Variants in NEURL4 observed in about 807,000 individuals in gnomAD.
The protein encoded by NEURL4 is neuralized E3 ubiquitin protein ligase 4, also known as neuralized-like protein 4.
Under a neutral mutation model 148.0 loss-of-function variants are expected in NEURL4, and 45 were observed. That is an observed-to-expected ratio of 0.30 (90% CI 0.24 to 0.39). The LOEUF (loss-of-function observed/expected upper bound fraction) is 0.39, where lower values mean the gene tolerates loss of function less well. Among genes scored for constraint, NEURL4 ranks in the 10% least tolerant of loss-of-function variants. The pLI is 1.00. For synonymous variants in NEURL4, 854 were observed against 869.0 expected (o/e 0.98, Z 0.30); for missense variants, 1,776 against 2,144.0 (o/e 0.83, Z 3.39).
Position 7,323,996 on chromosome 17 carries a change from A to C in NEURL4, c.2079T>G (p.Pro693=). 4 of 1,610,164 alleles carry C rather than the reference A, an allele frequency of 2.5e-6. No individual in the cohort carries two copies. The highest frequency in any genetic ancestry group is 2.5e-6 in the Non-Finnish European group (3 of 1,180,014). The change falls in exon 12 of 29, where the codon CCT becomes CCG. Residue 693 remains proline (P), a synonymous_variant. Transcript: ENST00000399464. Reference sequence around the variant, plus strand: ...GGTTGTTCCCCTCAGGGAGTGGTTCAGGAACTGGAGCCACCTCTGTAAAAG... The same window carrying C: ...GGTTGTTCCCCTCAGGGAGTGGTTCCGGAACTGGAGCCACCTCTGTAAAAG... ...IVDDVEVAPV[P]EPLPEGNNQV... is the part of the protein sequence containing the mutation.
Position 7,322,881 on chromosome 17 carries a change from G to A in NEURL4, c.2594-15C>T. The A allele has an allele frequency of 6.2e-7, 1 of 1,611,688 alleles. No homozygotes were observed. Among genetic ancestry groups the A allele is most frequent in the Non-Finnish European group, 8.5e-7 (1 of 1,177,962 alleles). On this transcript the variant is annotated splice_polypyrimidine_tract_variant and intron_variant, in intron 15 of 28. Transcript: ENST00000399464. This position sits in a 1 kb window ranked among gnomAD's most constrained non-coding sequence, Gnocchi z 5.5. ...CGCATACACCTCTGGGGAGGAGAGG[G>A]AAGGTCAGAAGCCTGACAGCCAGGT...
chr17:7,322,633 C>A lies in NEURL4; in HGVS notation c.2725+102G>T. On this transcript the variant is annotated intron_variant, in intron 16 of 28. Coordinates refer to ENST00000399464, the MANE Select transcript of NEURL4 (RefSeq NM_032442.3). This position sits in a 1 kb window ranked among gnomAD's most constrained non-coding sequence, Gnocchi z 5.5. The stretch of plus-strand genomic sequence containing the variant: ...CCCTTCCCTGGAGCCGGCAGCTACC[C>A]CAGCCAACCGTCTTTGCAGAACCTC... The A allele has an allele frequency of 6.8e-7, 1 of 1,471,146 alleles. No homozygotes were observed. The highest frequency in any genetic ancestry group is 9.2e-7 in the Non-Finnish European group (1 of 1,085,546). The allele number at this position is 1,471,146 out of a possible 1,614,324, so 91.1% of individuals were successfully genotyped here. A position where few individuals can be genotyped will look rare whatever the true frequency, so the allele number is the denominator to read the frequency against.
rs1432118700 is a variant in NEURL4 at position 7,318,724 on chromosome 17, G to A, written c.3685-50C>T. ...CCAGAGGTCAGACTCCACCGCGGCA[G>A]CTGTCCCGCCCTTTGCTCTGCTTCC... On this transcript the variant is annotated intron_variant, in intron 22 of 28. Transcript: ENST00000399464. This position sits in a 1 kb window ranked among gnomAD's most constrained non-coding sequence, Gnocchi z 4.3. 2.6e-6 allele frequency: 4 copies of A among 1,547,442 alleles called. No homozygotes were observed. The highest frequency in any genetic ancestry group is 3.8e-5 in the Admixed American group (2 of 52,982).
chr17:7,327,547 G>T lies in NEURL4; in HGVS notation c.620C>A (p.Pro207His). The stretch of plus-strand genomic sequence containing the variant: ...AGTAGGGGGGCTGAAGCCTGGCTCA[G>T]GGGGTAGCACGGTGATCTGGGTGCA... ...GKCTQITVLPPEPGFSPPTPI... is the reference protein window; with the variant it reads ...GKCTQITVLPHEPGFSPPTPI... The change falls in exon 2 of 29, where the codon CCT becomes CAT. Residue 207 changes from proline to histidine, a missense_variant. Transcript: ENST00000399464. This position sits in a 1 kb window ranked among gnomAD's most constrained non-coding sequence, Gnocchi z 6.6. The T allele has an allele frequency of 6.2e-7, 1 of 1,609,824 alleles. No individual in the cohort carries two copies.
chr17:7,317,090 C>G, intron 28 of NEURL4, 115 bp downstream of exon 28: 1 of 658,354 alleles, frequency 1.5e-6, no homozygotes, highest in Non-Finnish European at 2.4e-6. Flanking sequence ...AGACTGGCAG[C>G]TAGCAAGACG....
intron 28 of NEURL4, among the ~76,000 whole-genome samples, chr17:7,316,933 A>AAAAT (rs911242033): frequency 2.0e-5 from 3 of 152,160 alleles, no homozygotes; most frequent in African/African-American, 7.2e-5. Flanking sequence ...AATAAAAATA[A>AAAAT]AAATAAATAA....
intron 21 of NEURL4, among the ~76,000 whole-genome samples, chr17:7,319,642 G>T (rs1397567219): frequency 6.7e-6 from 1 of 148,934 alleles, no homozygotes; most frequent in Admixed American, 6.8e-5. Context: ...GGAGGTTGCG[G>T]TGAGCCGAGA....
intron 8 of NEURL4, 65 bp downstream of exon 8, chr17:7,325,144 T>TGGGG: frequency 7.9e-5 from 76 of 956,358 alleles, no homozygotes; most frequent in Non-Finnish European, 1.1e-4. Context: ...TCCACTTCCT[T>TGGGG]GCCCCGCCCC....
rs997327983 is a variant in NEURL4, at chr17:7,319,423, C to T, written c.3526-215G>A. 4.9e-5 allele frequency among the ~76,000 whole-genome samples: 7 copies of T among 141,626 alleles called. 1 individual carries two copies. The highest frequency in any genetic ancestry group is 2.2e-4 in the Admixed American group (3 of 13,678). 92.9% of individuals were successfully genotyped at this position (141,626 alleles called of 152,430 possible). ...TTTTTTAAAAAAAAGAACCGCCAGC[C>T]GGGCATGGTGACCCACACTGTAATC... On this transcript the variant is annotated intron_variant, in intron 21 of 28. Coordinates refer to ENST00000399464, the MANE Select transcript of NEURL4 (RefSeq NM_032442.3).
chr17:7,321,649 T>C lies in NEURL4; in HGVS notation c.3010A>G (p.Lys1004Glu), dbSNP rs1340668473. ...LPPSLPELRTKTTWMVSSCEV... is the reference protein window; with the variant it reads ...LPPSLPELRTETTWMVSSCEV... ...CAGCTGGATACCATCCAAGTGGTCTTCGTCCGGAGCTCTGGCAGGGAAGGA... is the reference window on the plus strand; with the variant it reads ...CAGCTGGATACCATCCAAGTGGTCTCCGTCCGGAGCTCTGGCAGGGAAGGA... Residue 1004 changes from lysine (K) to glutamate (E), a missense_variant, in exon 18 of 29, where the codon AAG becomes GAG. By Grantham distance (56) the Lys-to-Glu change is moderately conservative (BLOSUM62 1). Transcript: ENST00000399464. This position sits in a 1 kb window ranked among gnomAD's most constrained non-coding sequence, Gnocchi z 6.3. 1.2e-6 allele frequency: 2 copies of C among 1,614,014 alleles called. No individual in the cohort carries two copies. Among genetic ancestry groups the C allele is most frequent in the African/African-American group, 2.7e-5 (2 of 75,048 alleles).
chr17:7,322,145 G>A lies in NEURL4; in HGVS notation c.2726-135C>T. The A allele has an allele frequency of 1.0e-6, 1 of 967,706 alleles. No homozygotes were observed. The highest frequency in any genetic ancestry group is 2.5e-5 in the East Asian group (1 of 40,448). 59.9% of individuals were successfully genotyped at this position (967,706 alleles called of 1,614,324 possible). Reference sequence around the variant, plus strand: ...CTGCCATCTGCCATTACACCTCAGGGCCTCCTGACACCTCTTTATTGTATT... The same window carrying A: ...CTGCCATCTGCCATTACACCTCAGGACCTCCTGACACCTCTTTATTGTATT... On this transcript the variant is annotated intron_variant, in intron 16 of 28. Coordinates refer to ENST00000399464, the MANE Select transcript of NEURL4 (RefSeq NM_032442.3). The surrounding 1 kb of genome is among the most constrained non-coding windows in gnomAD (Gnocchi z 5.5).
Position 7,321,154 on chromosome 17 carries a change from A to G in NEURL4, c.3318T>C (p.Ser1106=). The change falls in exon 20 of 29, where the codon AGT becomes AGC. Residue 1106 remains serine (S), a synonymous_variant. Coordinates refer to ENST00000399464, the MANE Select transcript of NEURL4 (RefSeq NM_032442.3). The surrounding 1 kb of genome is among the most constrained non-coding windows in gnomAD (Gnocchi z 6.3). ...CGCCCTCGTCATCCTCCTCGCCCTC[A>G]CTGCCGGTGTCTGAACTGGGGGAAG... The part of the protein sequence containing the change: ...QPPSPSSDTG[S]EGEEDDEGEE... The G allele has an allele frequency of 6.2e-7, 1 of 1,613,810 alleles. No individual in the cohort carries two copies. The highest frequency in any genetic ancestry group is 2.2e-5 in the East Asian group (1 of 44,878).
chr17:7,322,922 T>C lies in NEURL4; in HGVS notation c.2593+26A>G, dbSNP rs1185057960. On this transcript the variant is annotated intron_variant, in intron 15 of 28. Coordinates refer to ENST00000399464, the MANE Select transcript of NEURL4 (RefSeq NM_032442.3). This position sits in a 1 kb window ranked among gnomAD's most constrained non-coding sequence, Gnocchi z 5.5. ...ACAGCCAGGTGGTCTGGGCTGAGGG[T>C]GGCAGGCTGAAAGCCACATAGTCAC... 1 of 1,610,758 alleles carries C rather than the reference T, an allele frequency of 6.2e-7. No homozygotes were observed. Among genetic ancestry groups the C allele is most frequent in the Non-Finnish European group, 8.5e-7 (1 of 1,177,382 alleles).
chr17:7,322,768 C>T lies in NEURL4; in HGVS notation c.2692G>A (p.Ala898Thr). Residue 898 changes from alanine to threonine, a missense_variant, in exon 16 of 29, where the codon GCC becomes ACC. Transcript: ENST00000399464. The surrounding 1 kb of genome is among the most constrained non-coding windows in gnomAD (Gnocchi z 5.5). ...MDNSLATSNT[A>T]TEKSFPLHSP... ...TGCAGTGGGAAGGACTTCTCGGTGGCAGTGTTGCTGGTCGCCAGGCTGTTG... is the reference window on the plus strand; with the variant it reads ...TGCAGTGGGAAGGACTTCTCGGTGGTAGTGTTGCTGGTCGCCAGGCTGTTG... 1 of 1,612,996 alleles carries T rather than the reference C, an allele frequency of 6.2e-7. No homozygotes were observed. Among genetic ancestry groups the T allele is most frequent in the Non-Finnish European group, 8.5e-7 (1 of 1,179,694 alleles).
intron 21 of NEURL4, 60 bp downstream of exon 21, chr17:7,320,699 G>A (rs1228927800): frequency 2.7e-6 from 4 of 1,506,418 alleles, no homozygotes; most frequent in Non-Finnish European, 3.6e-6. Flanking sequence ...TTTTTTCAGG[G>A]GGGTTGGCCA....
intron 7 of NEURL4, 54 bp downstream of exon 7, chr17:7,325,587 G>C: frequency 6.3e-7 from 1 of 1,592,994 alleles, no homozygotes. Context: ...ACAGCCCCCA[G>C]TCCCAGCCCC....
rs766428832 is a variant in NEURL4, at chr17:7,329,139, C to T, written c.174G>A (p.Gly58=). 2.5e-6 allele frequency: 4 copies of T among 1,609,222 alleles called. No homozygotes were observed. The South Asian group carries it at 3.3e-5, about 13-fold the overall frequency. ...CCGGCTGCTGCCGCCGCGCCGTACG[C>T]CCACAGGCCGACAGGCTCACCAAGC... ...TGRLVSLSAC[G]RTARRQQPGQ... The change falls in exon 1 of 29, where the codon GGG becomes GGA. Residue 58 remains glycine (G), a synonymous_variant. Coordinates refer to ENST00000399464, the MANE Select transcript of NEURL4 (RefSeq NM_032442.3).
At position 7,322,031 on chromosome 17, in the gene NEURL4, T is replaced by C; in HGVS notation, c.2726-21A>G. ...AGCCACTGTGAAGAGATGGCACCAG[T>C]AGAAGGGGTAGGATTGGGGCAGCGA... is the stretch of plus-strand genomic sequence containing the variant. On this transcript the variant is annotated intron_variant, in intron 16 of 28. Transcript: ENST00000399464. The surrounding 1 kb of genome is among the most constrained non-coding windows in gnomAD (Gnocchi z 5.5). The C allele has an allele frequency of 6.3e-7, 1 of 1,588,146 alleles. No individual in the cohort carries two copies. Among genetic ancestry groups the C allele is most frequent in the Non-Finnish European group, 8.6e-7 (1 of 1,168,990 alleles).
At position 7,326,483 on chromosome 17, in the gene NEURL4, G is replaced by T. The variant is rs766121344; in HGVS notation, c.1158C>A (p.Asn386Lys). 1 of 1,614,064 alleles carries T rather than the reference G, an allele frequency of 6.2e-7. No homozygotes were observed. Among genetic ancestry groups the T allele is most frequent in the African/African-American group, 1.3e-5 (1 of 74,914 alleles). ...TGGCTGGGTACTCCAAACTGTTGGG[G>T]TTGTGGGTGGTGACCCCAATCTCAA... is the stretch of plus-strand genomic sequence containing the variant. The part of the protein sequence containing the change: ...GSIEIGVTTH[N>K]PNSLEYPATM... The change falls in exon 5 of 29, where the codon AAC (asparagine) becomes AAA (lysine). Residue 386 changes from asparagine to lysine, a missense_variant. By Grantham distance (94) the Asn-to-Lys change is moderately conservative (BLOSUM62 0). Coordinates refer to ENST00000399464, the MANE Select transcript of NEURL4 (RefSeq NM_032442.3). This position sits in a 1 kb window ranked among gnomAD's most constrained non-coding sequence, Gnocchi z 6.0.
Sources: allele counts gnomAD v4.1 joint callset (sites outside exome capture counted in the v4.1 genomes callset), GRCh38; gene constraint gnomAD v4.1.1; non-coding constraint Gnocchi (gnomAD v3.1); transcripts MANE v1.5; gene names NCBI Gene and HGNC (gene_info 2026-07-23, HGNC 2026-07-21).